Variants in IQSEC2 observed in about 807,000 individuals in gnomAD.
The protein encoded by IQSEC2 is IQ motif and Sec7 domain ArfGEF 2.
IQSEC2 carries 6 observed loss-of-function variants against 74.6 expected under a neutral mutation model. That is an observed-to-expected ratio of 0.08 (90% CI 0.04 to 0.16). IQSEC2 has a LOEUF of 0.16. Among genes scored for constraint, IQSEC2 ranks in the 10% least tolerant of loss-of-function variants. IQSEC2 has a pLI of 1.00. For missense variants in IQSEC2, 734 were observed against 1,306.2 expected, an observed-to-expected ratio of 0.56 and a Z score of 6.75; for synonymous variants, 494 against 544.5, an observed-to-expected ratio of 0.91 and a Z score of 1.29.
At chrX:53,317,411 G>A (rs1005659081) in intron 1 of IQSEC2, among the ~76,000 whole-genome samples, 13 of 111,714 alleles carry the variant, frequency 1.2e-4, no homozygotes, top group Admixed American at 3.8e-4. Flanking sequence ...ATGGATGGGG[G>A]TGGACATGAC....
chrX:53,289,843 A>G (rs1356549013), intron 2 of IQSEC2, among the ~76,000 whole-genome samples: 4 of 111,570 alleles, frequency 3.6e-5, no homozygotes, highest in African/African-American at 1.3e-4. Flanking sequence ...TTGGAATCAG[A>G]CAGCCCAAGG....
At chrX:53,302,289 T>C (rs2075218499) in intron 1 of IQSEC2, among the ~76,000 whole-genome samples, 1 of 112,161 alleles carries the variant, frequency 8.9e-6, no homozygotes, top group African/African-American at 3.2e-5. Flanking sequence ...TGTCTTCTTG[T>C]TTATTTGTTT....
intron 3 of IQSEC2, 127 bp from the exon 4 acceptor site, chrX:53,255,058 TA>T: frequency 1.6e-6 from 1 of 626,256 alleles, no homozygotes. Flanking sequence ...AGCGCCAGGC[TA>T]GGTGCTCAGT....
At chrX:53,286,995 C>CAGG (rs2075039842) in intron 2 of IQSEC2, among the ~76,000 whole-genome samples, 2 of 105,010 alleles carry the variant, frequency 1.9e-5, no homozygotes, top group Admixed American at 2.0e-4. Context: ...AAAGAGATGA[C>CAGG]AGGGACCAGG....
At chrX:53,256,225 C>G (rs1320528082) in intron 2 of IQSEC2, among the ~76,000 whole-genome samples, 164 bp from the exon 3 acceptor site, 1 of 111,163 alleles carries the variant, frequency 9.0e-6, no homozygotes, top group Admixed American at 9.5e-5. Context: ...AGTCCTAGCT[C>G]TTGGACGTCT....
chrX:53,310,387 A>ACAAG (rs1189904746), intron 1 of IQSEC2, among the ~76,000 whole-genome samples: 2 of 91,371 alleles, frequency 2.2e-5, no homozygotes, highest in African/African-American at 6.7e-5. Flanking sequence ...CTGTCTCAAA[A>ACAAG]CAAGCAAGCA....
rs781786061 is a variant in IQSEC2 at position 53,298,256 on chromosome X, T to A, written c.708-6332A>T. Among the ~76,000 whole-genome samples, 6 of 110,327 alleles carry A rather than the reference T, an allele frequency of 5.4e-5. No homozygotes were observed. In the South Asian group the frequency reaches 2.4e-3, roughly 43 times the overall value. Reference sequence around the variant, plus strand: ...TTTTCCTTTCTTTTTTTTTTTAGAGTTTATGCTCATATTTTGCTGGAGCAC... The same window carrying A: ...TTTTCCTTTCTTTTTTTTTTTAGAGATTATGCTCATATTTTGCTGGAGCAC... On this transcript the variant is annotated intron_variant, in intron 1 of 14. Transcript: ENST00000642864.
rs143438684 is a variant in IQSEC2 at position 53,316,768 on chromosome X, C to T, written c.707+3649G>A. ...TGAACTCACTTGAGTAAGCTATGTTCGCAACACTGCACTCCAGCCTGAGCA... is the reference window on the plus strand; with the variant it reads ...TGAACTCACTTGAGTAAGCTATGTTTGCAACACTGCACTCCAGCCTGAGCA... On this transcript the variant is annotated intron_variant, in intron 1 of 14. Coordinates refer to ENST00000642864, the MANE Select transcript of IQSEC2 (RefSeq NM_001111125.3). Among the ~76,000 whole-genome samples the T allele has an allele frequency of 4.6e-3, 498 of 107,172 alleles. 5 individuals carry two copies. The highest frequency in any genetic ancestry group is 0.016 in the African/African-American group (474 of 29,232). The allele number at this position is 107,172 out of a possible 115,157, so 93.1% of individuals were successfully genotyped here.
At chrX:53,305,612 G>A (rs963915080) in intron 1 of IQSEC2, among the ~76,000 whole-genome samples, 8 of 112,194 alleles carry the variant, frequency 7.1e-5, no homozygotes, top group African/African-American at 2.6e-4. Context: ...CTCATTGTAT[G>A]GATGCAGTCA....
At chrX:53,317,042 G>C (rs2075384013) in intron 1 of IQSEC2, among the ~76,000 whole-genome samples, 1 of 110,474 alleles carries the variant, frequency 9.1e-6, no homozygotes, top group Non-Finnish European at 1.9e-5. Context: ...CTTCAGCGTG[G>C]AGCAACTCAG....
intron 2 of IQSEC2, among the ~76,000 whole-genome samples, chrX:53,278,103 C>T (rs368562457): frequency 6.8e-5 from 7 of 103,638 alleles, no homozygotes; most frequent in African/African-American, 2.1e-4. Context: ...CTCCGCCTCC[C>T]GGGTTCAAGC....
chrX:53,272,746 C>G (rs2074763131), intron 2 of IQSEC2, among the ~76,000 whole-genome samples: 1 of 111,781 alleles, frequency 8.9e-6, no homozygotes, highest in Non-Finnish European at 1.9e-5. Context: ...ACCTGGTTCT[C>G]TCTTCTTATG....
chrX:53,296,689 T>A (rs1271172663), intron 1 of IQSEC2, among the ~76,000 whole-genome samples: 1 of 110,329 alleles, frequency 9.1e-6, no homozygotes, highest in Non-Finnish European at 1.9e-5. Context: ...GCCTCCTGAG[T>A]AGTTGGGATT....
At chrX:53,290,028 A>C (rs1569327373) in intron 2 of IQSEC2, among the ~76,000 whole-genome samples, 1 of 111,948 alleles carries the variant, frequency 8.9e-6, no homozygotes, top group African/African-American at 3.2e-5. Flanking sequence ...GATGATGATT[A>C]TTATCTGCCA....
intron 9 of IQSEC2, among the ~76,000 whole-genome samples, chrX:53,242,270 C>T (rs1417355516): frequency 9.2e-6 from 1 of 108,416 alleles, no homozygotes; most frequent in African/African-American, 3.4e-5. Context: ...CCCGTCTCTA[C>T]TAAAAACACA....
At chrX:53,278,581 CTT>C (rs782247085) in intron 2 of IQSEC2, among the ~76,000 whole-genome samples, 6 of 111,420 alleles carry the variant, frequency 5.4e-5, no homozygotes, top group Non-Finnish European at 7.5e-5. Context: ...TTTCTAGCTT[CTT>C]GAGTGGAATA....
chrX:53,290,916 C>T (rs1442443066), intron 2 of IQSEC2, among the ~76,000 whole-genome samples: 1 of 112,632 alleles, frequency 8.9e-6, no homozygotes, highest in Non-Finnish European at 1.9e-5. Context: ...GATATCCAAC[C>T]CGTGCTATGC....
chrX:53,262,328 C>T (rs782506525), intron 2 of IQSEC2, among the ~76,000 whole-genome samples: 11 of 112,032 alleles, frequency 9.8e-5, no homozygotes, highest in Non-Finnish European at 2.1e-4. Context: ...TGGCACTGCC[C>T]GGAACCAGGC....
intron 1 of IQSEC2, among the ~76,000 whole-genome samples, chrX:53,301,110 T>G (rs1262802185): frequency 8.9e-6 from 1 of 112,395 alleles, no homozygotes; most frequent in Non-Finnish European, 1.9e-5. Flanking sequence ...GTATAATTTT[T>G]TAAACGCTAC....
Sources: allele counts gnomAD v4.1 joint callset (sites outside exome capture counted in the v4.1 genomes callset), GRCh38; gene constraint gnomAD v4.1.1; transcripts MANE v1.5; gene names NCBI Gene and HGNC (gene_info 2026-07-23, HGNC 2026-07-21).